TMEM120B: variants seen among roughly 807,000 people sequenced by gnomAD.
The protein encoded by TMEM120B is transmembrane protein 120B.
Under a neutral mutation model 55.5 loss-of-function variants are expected in TMEM120B, and 31 were observed. That is an observed-to-expected ratio of 0.56 (90% CI 0.42 to 0.75). The LOEUF is 0.75. Ranked by LOEUF, TMEM120B falls within the 30% of genes least tolerant of loss-of-function variation. The probability of loss-of-function intolerance (pLI) is 0.00; values close to 1 mark genes in which losing one functional copy is unlikely to be tolerated. For synonymous variants in TMEM120B, 203 were observed against 176.3 expected (o/e 1.15, Z -1.20); for missense variants, 399 against 425.5 (o/e 0.94, Z 0.55).
chr12:121,729,277 A>T (rs1158681678), intron 1 of TMEM120B, among the ~76,000 whole-genome samples: 1 of 152,130 alleles, frequency 6.6e-6, no homozygotes, highest in African/African-American at 2.4e-5. Flanking sequence ...CTCCCGGAAA[A>T]AGCATCTCAA....
chr12:121,749,905 CAAA>C (rs112189031), intron 3 of TMEM120B, among the ~76,000 whole-genome samples: 3 of 79,920 alleles, frequency 3.8e-5, no homozygotes, highest in Admixed American at 1.6e-4. Flanking sequence ...GACTCTGTCT[CAAA>C]AAAAAAAAAA....
At chr12:121,719,421 C>CA (rs1379279910) in intron 1 of TMEM120B, among the ~76,000 whole-genome samples, 6 of 151,904 alleles carry the variant, frequency 3.9e-5, no homozygotes, top group South Asian at 2.1e-4. Context: ...CCTGACTCTA[C>CA]AAAAAACCAC....
At chr12:121,726,388 G>T (rs1452822841) in intron 1 of TMEM120B, among the ~76,000 whole-genome samples, 1 of 150,790 alleles carries the variant, frequency 6.6e-6, no homozygotes, top group South Asian at 2.1e-4. Context: ...GACCATCCTG[G>T]CTAACATGGT....
intron 5 of TMEM120B, among the ~76,000 whole-genome samples, chr12:121,753,937 T>TC (rs1873406549): frequency 6.6e-6 from 1 of 152,138 alleles, no homozygotes; most frequent in Admixed American, 6.5e-5. Flanking sequence ...GCTGGTACCG[T>TC]CCAAGTGCAG....
rs186703500 is a variant in TMEM120B, at chr12:121,751,486, T to G, written c.366-642T>G. On this transcript the variant is annotated intron_variant, in intron 4 of 11. Transcript: ENST00000449592. ...TGGCTCAGAGGCCTCCGGCATTCTG[T>G]TCCTTCAGCTCAGGGAAGTTGCATC... Among the ~76,000 whole-genome samples, 647 of 150,820 alleles carry G rather than the reference T, an allele frequency of 4.3e-3. 2 individuals are homozygous for G. Among genetic ancestry groups the G allele is most frequent in the Middle Eastern group, 0.014 (4 of 294 alleles).
Position 121,780,930 on chromosome 12 carries a change from T to G in TMEM120B, c.*5208T>G. ...CCGGAGCTTCCGCAGCTGCTCCTTGTCCTTCCTCAGGTCTGTCTTGCAGCC... is the reference window on the plus strand; with the variant it reads ...CCGGAGCTTCCGCAGCTGCTCCTTGGCCTTCCTCAGGTCTGTCTTGCAGCC... On this transcript the variant is annotated 3_prime_UTR_variant, in exon 12 of 12. Transcript: ENST00000449592. The G allele has an allele frequency of 6.2e-7, 1 of 1,614,034 alleles. No homozygotes were observed. The highest frequency in any genetic ancestry group is 8.5e-7 in the Non-Finnish European group (1 of 1,179,974).
At position 121,775,826 on chromosome 12, in the gene TMEM120B, C is replaced by T. The variant is rs1874225979; in HGVS notation, c.*104C>T. 3.2e-6 allele frequency: 4 copies of T among 1,258,258 alleles called. No homozygotes were observed. Among genetic ancestry groups the T allele is most frequent in the South Asian group, 2.5e-5 (2 of 81,000 alleles). The allele number at this position is 1,258,258 out of a possible 1,614,324, so 77.9% of individuals were successfully genotyped here. A position where few individuals can be genotyped will look rare whatever the true frequency, so the allele number is the denominator to read the frequency against. Reference sequence around the variant, plus strand: ...CCCGTGGCATCGCTGGGAGAGGGCCCAGGCCCTGGTCCCCCAGTGGACCCC... The same window carrying T: ...CCCGTGGCATCGCTGGGAGAGGGCCTAGGCCCTGGTCCCCCAGTGGACCCC... On this transcript the variant is annotated 3_prime_UTR_variant, in exon 12 of 12. Coordinates refer to ENST00000449592, the MANE Select transcript of TMEM120B (RefSeq NM_001080825.2). The surrounding 1 kb of genome is among the most constrained non-coding windows in gnomAD (Gnocchi z 4.3).
At chr12:121,729,968 A>G (rs1475087359) in intron 1 of TMEM120B, among the ~76,000 whole-genome samples, 2 of 152,006 alleles carry the variant, frequency 1.3e-5, no homozygotes. Flanking sequence ...CTTAAAAAGG[A>G]AGGAAATTCT....
chr12:121,750,232 T>C (rs942552068), intron 3 of TMEM120B, 148 bp from the exon 4 acceptor site: 3 of 733,230 alleles, frequency 4.1e-6, no homozygotes, highest in African/African-American at 3.5e-5. Flanking sequence ...TCTCACTCGA[T>C]GTGGGGGCCC....
At chr12:121,773,370 G>C in intron 8 of TMEM120B, 51 bp from the exon 9 acceptor site, 1 of 1,540,138 alleles carries the variant, frequency 6.5e-7, no homozygotes, top group Non-Finnish European at 8.9e-7. Flanking sequence ...GTGTGGCCCT[G>C]TCTTCCGGGG....
At chr12:121,727,767 G>T (rs1039758549) in intron 1 of TMEM120B, among the ~76,000 whole-genome samples, 2 of 151,008 alleles carry the variant, frequency 1.3e-5, no homozygotes, top group African/African-American at 4.9e-5. Flanking sequence ...CCAGCTACTC[G>T]GGAGGCTGAG....
intron 1 of TMEM120B, among the ~76,000 whole-genome samples, chr12:121,724,228 G>A (rs554354757): frequency 5.3e-5 from 8 of 151,786 alleles, no homozygotes; most frequent in South Asian, 2.1e-4. Context: ...TAGTAGAGAC[G>A]GTTTCACTAT....
intron 8 of TMEM120B, among the ~76,000 whole-genome samples, chr12:121,772,124 T>TC (rs1336840718): frequency 4.0e-5 from 6 of 150,138 alleles, no homozygotes; most frequent in African/African-American, 1.5e-4. Context: ...TCTCTCTCTC[T>TC]TTCTCTCTTT....
chr12:121,760,379 C>T (rs1412435213), intron 5 of TMEM120B, among the ~76,000 whole-genome samples: 2 of 128,086 alleles, frequency 1.6e-5, no homozygotes, highest in African/African-American at 7.6e-5. Context: ...GCCCTTTGAC[C>T]TGGGGTCTTA....
In TMEM120B at chr12:121,780,834, A is replaced by T; in HGVS notation, c.*5112A>T. The stretch of plus-strand genomic sequence containing the variant: ...AGGCCAAAGGTCCGGGAGGCTTCAC[A>T]GCCACGGCTGTGCCCCAGGGTCTTG... On this transcript the variant is annotated 3_prime_UTR_variant, in exon 12 of 12. Coordinates refer to ENST00000449592, the MANE Select transcript of TMEM120B (RefSeq NM_001080825.2). The T allele has an allele frequency of 6.3e-7, 1 of 1,593,990 alleles. No individual in the cohort carries two copies.
At chr12:121,758,075 C>T (rs1187665224) in intron 5 of TMEM120B, 8 of 746,514 alleles carry the variant, frequency 1.1e-5, no homozygotes, top group African/African-American at 7.6e-5. Flanking sequence ...GCCATGATCA[C>T]GTCACTGCAC....
intron 1 of TMEM120B, among the ~76,000 whole-genome samples, chr12:121,737,398 G>C (rs556257493): frequency 9.2e-5 from 14 of 152,110 alleles, no homozygotes; most frequent in African/African-American, 3.1e-4. Flanking sequence ...TCAGCTACTC[G>C]GGAGGCTGAG....
rs562796397 is a variant in TMEM120B, at chr12:121,776,438, G to C, written c.*716G>C. 6.5e-6 allele frequency: 1 copy of C among 152,684 alleles called. No homozygotes were observed. Among genetic ancestry groups the C allele is most frequent in the South Asian group, 2.1e-4 (1 of 4,860 alleles). The allele number at this position is 152,684 out of a possible 1,614,324, so 9.5% of individuals were successfully genotyped here. Reference sequence around the variant, plus strand: ...CTGCAGCCCACCTTCCTGCAGTGTCGTGGCAGGTACTTGGAGAGTGGGACC... The same window carrying C: ...CTGCAGCCCACCTTCCTGCAGTGTCCTGGCAGGTACTTGGAGAGTGGGACC... On this transcript the variant is annotated 3_prime_UTR_variant, in exon 12 of 12. Coordinates refer to ENST00000449592, the MANE Select transcript of TMEM120B (RefSeq NM_001080825.2).
chr12:121,743,355 C>T (rs1387120091), intron 1 of TMEM120B, among the ~76,000 whole-genome samples: 4 of 151,506 alleles, frequency 2.6e-5, no homozygotes, highest in African/African-American at 9.7e-5. Context: ...TCGAGACCAG[C>T]CTGGCCAATA....
Sources: allele counts gnomAD v4.1 joint callset (sites outside exome capture counted in the v4.1 genomes callset), GRCh38; gene constraint gnomAD v4.1.1; non-coding constraint Gnocchi (gnomAD v3.1); transcripts MANE v1.5; gene names NCBI Gene and HGNC (gene_info 2026-07-23, HGNC 2026-07-21).